The following NUBPL variants were observed in gnomAD, a reference collection of about 807,000 sequenced individuals.
NUBPL encodes the protein NUBP iron-sulfur cluster assembly factor, mitochondrial.
Under a neutral mutation model 45.7 loss-of-function variants are expected in NUBPL, and 31 were observed. The ratio of observed to expected loss-of-function variants is 0.68; its 90% CI spans 0.51 to 0.92. NUBPL has a LOEUF of 0.92. Among genes scored for constraint, NUBPL ranks in the 40% least tolerant of loss-of-function variants. The probability of loss-of-function intolerance (pLI) is 0.00; values close to 1 mark genes in which losing one functional copy is unlikely to be tolerated. For missense variants in NUBPL, 401 were observed against 398.7 expected (o/e 1.01, Z -0.05); for synonymous variants, 144 against 140.9 (o/e 1.02, Z -0.15).
intron 4 of NUBPL, among the ~76,000 whole-genome samples, chr14:31,603,878 A>G (rs1198357197): frequency 6.6e-6 from 1 of 152,138 alleles, no homozygotes; most frequent in African/African-American, 2.4e-5. Flanking sequence ...TCAAGCTTTC[A>G]CAAAGAAGGA....
At chr14:31,573,268 A>T (rs190304598) in intron 3 of NUBPL, among the ~76,000 whole-genome samples, 1 of 152,238 alleles carries the variant, frequency 6.6e-6, no homozygotes, top group Admixed American at 6.5e-5. Context: ...AAATGTTGTT[A>T]TGGGGCATAT....
intron 7 of NUBPL, among the ~76,000 whole-genome samples, chr14:31,824,888 ATTATGT>A (rs928399339): frequency 1.2e-4 from 18 of 152,106 alleles, no homozygotes; most frequent in African/African-American, 4.3e-4. Flanking sequence ...TGTGATCTAT[ATTATGT>A]TTATGTTAAT....
In NUBPL at chr14:31,621,537, G is replaced by A. The variant is rs539614616; in HGVS notation, c.382+22158G>A. On this transcript the variant is annotated intron_variant, in intron 4 of 10. Transcript: ENST00000281081. Reference sequence around the variant, plus strand: ...TCTCTCACCACTTCCCTTGGCTGGGGGAGGGAAATCCCTTGATCCCTTGTG... The same window carrying A: ...TCTCTCACCACTTCCCTTGGCTGGGAGAGGGAAATCCCTTGATCCCTTGTG... Among the ~76,000 whole-genome samples, 14 of 152,282 alleles carry A rather than the reference G, an allele frequency of 9.2e-5. 1 individual carries two copies. The highest frequency in any genetic ancestry group is 6.2e-4 in the South Asian group (3 of 4,814).
chr14:31,625,186 G>T (rs1395116439), intron 4 of NUBPL, among the ~76,000 whole-genome samples: 2 of 152,160 alleles, frequency 1.3e-5, no homozygotes, highest in East Asian at 3.9e-4. Context: ...TAGAAGCCAA[G>T]GAAGCAGGGA....
At chr14:31,650,034 T>G (rs1187993587) in intron 4 of NUBPL, among the ~76,000 whole-genome samples, 1 of 151,826 alleles carries the variant, frequency 6.6e-6, no homozygotes, top group Non-Finnish European at 1.5e-5. Context: ...TAATTTTGTA[T>G]TTTTAGTAGA....
chr14:31,812,350 A>G (rs1262803183), intron 7 of NUBPL, among the ~76,000 whole-genome samples: 1 of 152,198 alleles, frequency 6.6e-6, no homozygotes, highest in Non-Finnish European at 1.5e-5. Flanking sequence ...CAGCAATGGC[A>G]GACGCCCCTC....
At chr14:31,628,547 A>G (rs2035265416) in intron 4 of NUBPL, among the ~76,000 whole-genome samples, 1 of 152,226 alleles carries the variant, frequency 6.6e-6, no homozygotes, top group Non-Finnish European at 1.5e-5. Flanking sequence ...GTCATAGACA[A>G]CAAGTATTTC....
chr14:31,623,178 C>T (rs1291451118), intron 4 of NUBPL, among the ~76,000 whole-genome samples: 2 of 152,180 alleles, frequency 1.3e-5, no homozygotes, highest in African/African-American at 2.4e-5. Flanking sequence ...TGCATGGGGC[C>T]TGTAGCCCCT....
At chr14:31,631,102 A>G (rs2035330390) in intron 4 of NUBPL, among the ~76,000 whole-genome samples, 1 of 152,136 alleles carries the variant, frequency 6.6e-6, no homozygotes, top group African/African-American at 2.4e-5. Flanking sequence ...CAGGACAATA[A>G]ACTGGGGCAG....
chr14:31,649,930 G>A (rs1015551099), intron 4 of NUBPL, among the ~76,000 whole-genome samples: 2 of 152,038 alleles, frequency 1.3e-5, no homozygotes, highest in African/African-American at 2.4e-5. Flanking sequence ...CGCAATCTCC[G>A]CTCACTGCAA....
At chr14:31,646,624 C>T (rs1008444107) in intron 4 of NUBPL, among the ~76,000 whole-genome samples, 1 of 152,028 alleles carries the variant, frequency 6.6e-6, no homozygotes, top group African/African-American at 2.4e-5. Context: ...TTTTCTCTTG[C>T]TGCTTTTAGT....
At chr14:31,692,273 A>AT (rs944295993) in intron 6 of NUBPL, among the ~76,000 whole-genome samples, 4 of 152,014 alleles carry the variant, frequency 2.6e-5, no homozygotes, top group African/African-American at 4.8e-5. Context: ...CCTGATTAGT[A>AT]TTTTTTTTCC....
chr14:31,749,407 C>T (rs2038472768), intron 6 of NUBPL, among the ~76,000 whole-genome samples: 1 of 152,120 alleles, frequency 6.6e-6, no homozygotes, highest in African/African-American at 2.4e-5. Flanking sequence ...GATGAATTCC[C>T]TCAGTTTTTG....
intron 6 of NUBPL, among the ~76,000 whole-genome samples, chr14:31,786,144 C>T (rs764622470): frequency 3.6e-4 from 54 of 151,030 alleles, no homozygotes; most frequent in African/African-American, 1.3e-3. Context: ...GGTGATAGAG[C>T]GAGACCCTGT....
intron 7 of NUBPL, among the ~76,000 whole-genome samples, chr14:31,793,828 C>CTTTTTTTTTTT (rs55698198): frequency 2.2e-3 from 285 of 127,252 alleles, no homozygotes; most frequent in Middle Eastern, 4.0e-3. Context: ...CCTTATCTTT[C>CTTTTTTTTTTT]TTTTTTTTTT....
intron 4 of NUBPL, among the ~76,000 whole-genome samples, chr14:31,610,880 C>T (rs2034738428): frequency 2.6e-5 from 4 of 152,128 alleles, no homozygotes; most frequent in Admixed American, 2.6e-4. Context: ...AATTCAACAT[C>T]CCTTCAGGAT....
At chr14:31,569,996 A>T (rs1416877904) in intron 3 of NUBPL, among the ~76,000 whole-genome samples, 1 of 152,232 alleles carries the variant, frequency 6.6e-6, no homozygotes, top group African/African-American at 2.4e-5. Context: ...CTTAAAGACC[A>T]TCAGAAACCA....
chr14:31,724,419 T>G (rs1368753523), intron 6 of NUBPL, among the ~76,000 whole-genome samples: 1 of 148,768 alleles, frequency 6.7e-6, no homozygotes, highest in Middle Eastern at 3.2e-3. Context: ...ATAATTATAA[T>G]CTCATGCCAC....
intron 8 of NUBPL, among the ~76,000 whole-genome samples, chr14:31,832,823 T>G (rs10152088): frequency 0.13 from 19,216 of 152,032 alleles, 3,422 homozygotes; most frequent in African/African-American, 0.4. Context: ...TTATCTATTC[T>G]ATGCCTTAGT....
Sources: allele counts gnomAD v4.1 joint callset (sites outside exome capture counted in the v4.1 genomes callset), GRCh38; gene constraint gnomAD v4.1.1; transcripts MANE v1.5; gene names NCBI Gene and HGNC (gene_info 2026-07-23, HGNC 2026-07-21).